Variants in CEP120 observed in about 807,000 individuals in gnomAD.
The protein encoded by CEP120 is centrosomal protein 120.
Under a neutral mutation model 126.5 loss-of-function variants are expected in CEP120, and 113 were observed. The ratio of observed to expected loss-of-function variants is 0.89; its 90% CI spans 0.77 to 1.04. The LOEUF is 1.04. CEP120 is among the 50% of genes least tolerant of loss of function. The probability of loss-of-function intolerance (pLI) is 0.00; values close to 1 mark genes in which losing one functional copy is unlikely to be tolerated. For synonymous variants in CEP120, 400 were observed against 394.3 expected (o/e 1.01, Z -0.17); for missense variants, 1,230 against 1,155.7 (o/e 1.06, Z -0.93).
chr5:123,364,761 A>C (rs1346218788), intron 17 of CEP120, among the ~76,000 whole-genome samples, 167 bp from the exon 18 acceptor site: 1 of 151,690 alleles, frequency 6.6e-6, no homozygotes, highest in Non-Finnish European at 1.5e-5. Context: ...TGGCACATGA[A>C]CATTTTCTTG....
intron 18 of CEP120, among the ~76,000 whole-genome samples, chr5:123,360,491 C>G (rs1426539134): frequency 6.6e-6 from 1 of 151,884 alleles, no homozygotes; most frequent in Non-Finnish European, 1.5e-5. Context: ...CAATGAGCAT[C>G]TCTGCACTCA....
intron 4 of CEP120, chr5:123,401,957 C>G: frequency 6.3e-7 from 1 of 1,592,006 alleles, no homozygotes; most frequent in Non-Finnish European, 8.6e-7. Flanking sequence ...CGGCCGTCTT[C>G]TGCTGCTGCA....
In CEP120 at chr5:123,393,400, T is replaced by C; in HGVS notation, c.710A>G (p.Asp237Gly). ...TGGCTCAAAGTTTGGGTTGATTAAATCATTGAAGGGTTCATTTGTAACATC... is the reference window on the plus strand; with the variant it reads ...TGGCTCAAAGTTTGGGTTGATTAAACCATTGAAGGGTTCATTTGTAACATC... ...GNDVTNEPFN[D>G]LINPNFEPER... Residue 237 changes from aspartate to glycine, a missense_variant, in exon 6 of 20, where the codon GAT becomes GGT. Transcript: ENST00000306467. 1 of 1,614,114 alleles carries C rather than the reference T, an allele frequency of 6.2e-7. No homozygotes were observed. The highest frequency in any genetic ancestry group is 8.5e-7 in the Non-Finnish European group (1 of 1,179,992).
chr5:123,376,381 A>G (rs1771227797), intron 16 of CEP120, among the ~76,000 whole-genome samples: 1 of 152,080 alleles, frequency 6.6e-6, no homozygotes, highest in Non-Finnish European at 1.5e-5. Flanking sequence ...AGGGCAGACA[A>G]GCACGGGCAG....
intron 18 of CEP120, among the ~76,000 whole-genome samples, chr5:123,352,165 G>GT (rs1470648693): frequency 6.6e-6 from 1 of 151,964 alleles, no homozygotes; most frequent in Non-Finnish European, 1.5e-5. Context: ...TGTTATTGAT[G>GT]TTTATAAATA....
chr5:123,376,299 C>T (rs1219443686), intron 16 of CEP120, among the ~76,000 whole-genome samples: 1 of 152,012 alleles, frequency 6.6e-6, no homozygotes, highest in Non-Finnish European at 1.5e-5. Context: ...GAACAGAGTA[C>T]ACCAGGCCCA....
At chr5:123,375,311 A>G (rs917122856) in intron 16 of CEP120, among the ~76,000 whole-genome samples, 1 of 150,944 alleles carries the variant, frequency 6.6e-6, no homozygotes, top group Admixed American at 6.6e-5. Flanking sequence ...CATATACAAC[A>G]CCATACACAA....
chr5:123,412,806 CATAAT>C (rs1291342630), intron 3 of CEP120, among the ~76,000 whole-genome samples: 3 of 152,128 alleles, frequency 2.0e-5, no homozygotes, highest in Non-Finnish European at 2.9e-5. Flanking sequence ...AGGAAGAAAG[CATAAT>C]ATATTTCTTT....
Position 123,388,574 on chromosome 5 carries a change from G to A in CEP120, c.1288C>T (p.Leu430=). 1 of 1,597,656 alleles carries A rather than the reference G, an allele frequency of 6.3e-7. No homozygotes were observed. The highest frequency in any genetic ancestry group is 8.5e-7 in the Non-Finnish European group (1 of 1,174,772). The change falls in exon 9 of 20, where the codon CTA becomes TTA. Residue 430 remains leucine, a synonymous_variant. Transcript: ENST00000306467. ...TCTGAAGCATTGGATGTAGTCACTA[G>A]CTGGGCCAGTGAAGCAGGTACAGAA... The part of the protein sequence containing the change: ...SSSVPASLAQ[L]VTTSNASEVA...
intron 4 of CEP120, chr5:123,401,320 A>G: frequency 6.2e-7 from 1 of 1,604,630 alleles, no homozygotes. Flanking sequence ...CCAGCTCTCC[A>G]CACTGCTCGG....
chr5:123,350,130 G>T (rs758383095), intron 18 of CEP120, 41 bp from the exon 19 acceptor site: 1 of 1,533,062 alleles, frequency 6.5e-7, no homozygotes, highest in East Asian at 2.3e-5. Context: ...CTTAATATTA[G>T]GAACAAATAT....
chr5:123,396,437 T>C (rs948702108), intron 5 of CEP120, among the ~76,000 whole-genome samples: 14 of 151,994 alleles, frequency 9.2e-5, no homozygotes, highest in African/African-American at 3.4e-4. Context: ...TTTTTTTTTT[T>C]AAACTAAACT....
Position 123,399,106 on chromosome 5 carries a change from G to A in CEP120, c.612+30C>T, listed in dbSNP as rs201833506. The A allele has an allele frequency of 8.7e-6, 13 of 1,489,004 alleles. No homozygotes were observed. In the South Asian group the frequency reaches 1.0e-4, roughly 12 times the overall value. 92.2% of individuals were successfully genotyped at this position (1,489,004 alleles called of 1,614,324 possible). On this transcript the variant is annotated intron_variant, in intron 5 of 19. Coordinates refer to ENST00000306467, the MANE Select transcript of CEP120 (RefSeq NM_001375405.1). ...GTTTTACATAGTTTTCAAATTATTC[G>A]TAAGTCACCAATCTCATGAAAAGTC...
At chr5:123,373,852 A>T (rs1771026164) in intron 16 of CEP120, among the ~76,000 whole-genome samples, 1 of 152,068 alleles carries the variant, frequency 6.6e-6, no homozygotes, top group Middle Eastern at 3.2e-3. Context: ...AGCAGTGGTC[A>T]ACCTCTGCTG....
At chr5:123,370,529 T>G (rs1201209616) in intron 17 of CEP120, among the ~76,000 whole-genome samples, 1 of 151,698 alleles carries the variant, frequency 6.6e-6, no homozygotes, top group African/African-American at 2.4e-5. Context: ...CAGGATGAAG[T>G]GCAGTGGTGG....
At chr5:123,370,530 G>A (rs751977782) in intron 17 of CEP120, among the ~76,000 whole-genome samples, 14 of 151,652 alleles carry the variant, frequency 9.2e-5, no homozygotes, top group Non-Finnish European at 1.5e-4. Context: ...AGGATGAAGT[G>A]CAGTGGTGGG....
chr5:123,349,931 T>C lies in CEP120; in HGVS notation c.2726+13A>G, dbSNP rs1428398728. ...ACTTTGGCTTTTGAAAGAAACACTT[T>C]TAGTTATTATACCTGTTCAATTCAT... On this transcript the variant is annotated intron_variant, in intron 19 of 19. Transcript: ENST00000306467. 2.5e-6 allele frequency: 4 copies of C among 1,607,638 alleles called. No homozygotes were observed. In the Admixed American group the frequency reaches 6.8e-5, roughly 27 times the overall value.
rs563733271 is a variant in CEP120 at position 123,401,253 on chromosome 5, T to G, written c.464-1969A>C. On this transcript the variant is annotated intron_variant, in intron 4 of 19. Coordinates refer to ENST00000306467, the MANE Select transcript of CEP120 (RefSeq NM_001375405.1). ...ACGCAGCTGCCACGCCATGTCCTGC[T>G]TGGCCCGCTGCAGGGCGGCCTCCAG... 2.2e-5 allele frequency: 36 copies of G among 1,610,584 alleles called. No homozygotes were observed. In the African/African-American group the frequency reaches 3.3e-4, roughly 15 times the overall value.
chr5:123,409,288 A>G (rs1773885636), intron 4 of CEP120, among the ~76,000 whole-genome samples: 1 of 152,218 alleles, frequency 6.6e-6, no homozygotes, highest in African/African-American at 2.4e-5. Context: ...CCTCAACTTA[A>G]TAAAGAATAT....
Sources: allele counts gnomAD v4.1 joint callset (sites outside exome capture counted in the v4.1 genomes callset), GRCh38; gene constraint gnomAD v4.1.1; transcripts MANE v1.5; gene names NCBI Gene and HGNC (gene_info 2026-07-23, HGNC 2026-07-21).